The following CHN2 variants were observed in gnomAD, a reference collection of about 807,000 sequenced individuals.
CHN2 encodes chimerin 2.
CHN2 carries 35 observed loss-of-function variants against 56.3 expected under a neutral mutation model. The ratio of observed to expected loss-of-function variants is 0.62; its 90% CI spans 0.47 to 0.82. The LOEUF (loss-of-function observed/expected upper bound fraction) is 0.82, where lower values mean the gene tolerates loss of function less well. Ranked by LOEUF, CHN2 falls within the 40% of genes least tolerant of loss-of-function variation. CHN2 has a pLI of 0.00. For synonymous variants in CHN2, 210 were observed against 212.8 expected (o/e 0.99, Z 0.12); for missense variants, 491 against 580.5 (o/e 0.85, Z 1.58).
At chr7:29,203,467 CAAAAAA>C (rs11287820) in intron 1 of CHN2, among the ~76,000 whole-genome samples, 1 of 55,582 alleles carries the variant, frequency 1.8e-5, no homozygotes, top group Non-Finnish European at 3.8e-5. Context: ...AACTCCGTCT[CAAAAAA>C]AAAAAAAAAA....
intron 2 of CHN2, among the ~76,000 whole-genome samples, chr7:29,364,538 T>A (rs1221985832): frequency 6.6e-6 from 1 of 152,228 alleles, no homozygotes; most frequent in Non-Finnish European, 1.5e-5. Context: ...TGCATGCTCA[T>A]TAACAGTAAC....
chr7:29,476,421 C>G (rs754189828), intron 6 of CHN2, among the ~76,000 whole-genome samples: 2 of 151,726 alleles, frequency 1.3e-5, no homozygotes, highest in Non-Finnish European at 2.9e-5. Context: ...CCTATAGTCC[C>G]AGGTACTTGG....
intron 6 of CHN2, among the ~76,000 whole-genome samples, chr7:29,438,156 A>T (rs1783380964): frequency 6.6e-6 from 1 of 152,250 alleles, no homozygotes; most frequent in African/African-American, 2.4e-5. Flanking sequence ...AGCAGCGTGC[A>T]ACTCTAGCCA....
At chr7:29,264,747 A>T (rs750635626) in intron 1 of CHN2, among the ~76,000 whole-genome samples, 1 of 151,346 alleles carries the variant, frequency 6.6e-6, no homozygotes, top group Non-Finnish European at 1.5e-5. Flanking sequence ...CCTTCCCTCC[A>T]CTATTGTCCT....
At chr7:29,189,522 T>G (rs1166203656) in intron 2 of CHN2, among the ~76,000 whole-genome samples, 2 of 152,178 alleles carry the variant, frequency 1.3e-5, no homozygotes, top group Admixed American at 6.5e-5. Flanking sequence ...TTATCCTAGA[T>G]TTCTCTTAGG....
chr7:29,248,926 A>G (rs1302306195), intron 1 of CHN2, among the ~76,000 whole-genome samples: 6 of 152,122 alleles, frequency 3.9e-5, no homozygotes. Context: ...CACCAGGCCT[A>G]TCTGTTCTTC....
At position 29,232,306 on chromosome 7, in the gene CHN2, T is replaced by C. The variant is rs192780980; in HGVS notation, c.49+37316T>C. Among the ~76,000 whole-genome samples, 12 of 152,288 alleles carry C rather than the reference T, an allele frequency of 7.9e-5. No individual in the cohort carries two copies. In the East Asian group the frequency reaches 2.3e-3, roughly 29 times the overall value. On this transcript the variant is annotated intron_variant, in intron 1 of 12. Coordinates refer to ENST00000222792, the MANE Select transcript of CHN2 (RefSeq NM_004067.4). ...TTTCTTTCAGTCTTCCTTTCAAAGCTATTTTAAAAAAATGCATTGTACTTT... is the reference window on the plus strand; with the variant it reads ...TTTCTTTCAGTCTTCCTTTCAAAGCCATTTTAAAAAAATGCATTGTACTTT...
chr7:29,252,595 T>G (rs1342366325), intron 1 of CHN2, among the ~76,000 whole-genome samples: 18 of 43,538 alleles, frequency 4.1e-4, no homozygotes, highest in East Asian at 1.4e-3. Flanking sequence ...TTTTTTTTTT[T>G]TTTTTTTTTT....
intron 1 of CHN2, among the ~76,000 whole-genome samples, chr7:29,349,046 A>C (rs917470879): frequency 5.3e-5 from 8 of 152,234 alleles, no homozygotes; most frequent in Non-Finnish European, 1.5e-5. Context: ...GTAGTTTCTT[A>C]TCATTAAATG....
chr7:29,446,346 G>A (rs1784031967), intron 6 of CHN2, among the ~76,000 whole-genome samples: 1 of 152,134 alleles, frequency 6.6e-6, no homozygotes, highest in Non-Finnish European at 1.5e-5. Context: ...TGCCAAGATA[G>A]AGCAGTAGGG....
intron 2 of CHN2, among the ~76,000 whole-genome samples, chr7:29,182,993 A>G (rs1489758407): frequency 6.6e-6 from 1 of 152,168 alleles, no homozygotes; most frequent in African/African-American, 2.4e-5. Context: ...AAGAAGGGAT[A>G]TATGAAAACA....
chr7:29,461,581 C>G (rs1475985273), intron 6 of CHN2, among the ~76,000 whole-genome samples: 1 of 152,132 alleles, frequency 6.6e-6, no homozygotes, highest in Non-Finnish European at 1.5e-5. Flanking sequence ...GAGGAAGGGG[C>G]CTTCATGTTT....
chr7:29,392,695 C>G (rs765405110), intron 3 of CHN2, among the ~76,000 whole-genome samples: 4 of 152,292 alleles, frequency 2.6e-5, no homozygotes, highest in South Asian at 2.1e-4. Flanking sequence ...GAGGATGGAG[C>G]TAGGCCAGGA....
intron 6 of CHN2, among the ~76,000 whole-genome samples, chr7:29,424,666 T>G (rs1804669471): frequency 6.6e-6 from 1 of 152,244 alleles, no homozygotes; most frequent in Non-Finnish European, 1.5e-5. Context: ...TTGGAGATTT[T>G]ACAAACATTT....
intron 2 of CHN2, among the ~76,000 whole-genome samples, chr7:29,163,377 C>A (rs1403191926): frequency 6.6e-6 from 1 of 151,890 alleles, no homozygotes; most frequent in Non-Finnish European, 1.5e-5. Context: ...TTATTTTCAA[C>A]CTTAAAAATG....
chr7:29,352,716 C>CT (rs1405068411), intron 1 of CHN2, among the ~76,000 whole-genome samples: 1 of 151,966 alleles, frequency 6.6e-6, no homozygotes, highest in Non-Finnish European at 1.5e-5. Context: ...GAGTGGGACT[C>CT]TGTCTCAAAA....
At chr7:29,416,485 G>A (rs1803754687) in intron 6 of CHN2, among the ~76,000 whole-genome samples, 1 of 152,204 alleles carries the variant, frequency 6.6e-6, no homozygotes, top group African/African-American at 2.4e-5. Flanking sequence ...AATCATGTTG[G>A]CTCAAGTCCA....
intron 1 of CHN2, among the ~76,000 whole-genome samples, chr7:29,230,949 G>T (rs750904212): frequency 1.4e-4 from 21 of 152,040 alleles, no homozygotes; most frequent in Non-Finnish European, 1.0e-4. Flanking sequence ...ATACCTTATG[G>T]TGCCAGCAAG....
chr7:29,359,501 C>T (rs1020534814), intron 2 of CHN2, among the ~76,000 whole-genome samples: 5 of 152,074 alleles, frequency 3.3e-5, no homozygotes, highest in Admixed American at 6.6e-5. Context: ...AACGGTGATG[C>T]CACGGGATGG....
Sources: gnomAD v4.1 joint callset for allele counts (sites outside exome capture counted in the v4.1 genomes callset) on GRCh38, gnomAD v4.1.1 for gene constraint, MANE v1.5 for transcripts, NCBI Gene and HGNC (gene_info 2026-07-23, HGNC 2026-07-21) for gene names.